AGPS: variants seen among roughly 807,000 people sequenced by gnomAD.
AGPS encodes the protein alkyldihydroxyacetonephosphate synthase, peroxisomal.
A neutral mutation model predicts 90.7 loss-of-function variants in AGPS; 26 were observed. That is an observed-to-expected ratio of 0.29 (90% confidence interval 0.21 to 0.40). AGPS has a LOEUF of 0.40. Among genes scored for constraint, AGPS ranks in the 10% least tolerant of loss-of-function variants. AGPS has a pLI of 1.00. For missense variants in AGPS, 540 were observed against 816.1 expected (o/e 0.66, Z 4.12); for synonymous variants, 294 against 285.3 (o/e 1.03, Z -0.31).
chr2:177,462,080 A>C (rs954970861), intron 9 of AGPS, 62 bp downstream of exon 9: 21 of 1,391,908 alleles, frequency 1.5e-5, no homozygotes, highest in Non-Finnish European at 1.8e-5. Flanking sequence ...TTATAAAATG[A>C]TTAGAAGCCT....
chr2:177,522,804 C>G (rs1034129753), intron 18 of AGPS, among the ~76,000 whole-genome samples: 2 of 152,122 alleles, frequency 1.3e-5, no homozygotes, highest in African/African-American at 2.4e-5. Flanking sequence ...TCTGTCCCAC[C>G]TGGGCCCTCT....
At chr2:177,495,917 C>CAAAAA (rs57571340) in intron 12 of AGPS, among the ~76,000 whole-genome samples, 21 of 93,176 alleles carry the variant, frequency 2.3e-4, no homozygotes, top group African/African-American at 3.3e-4. Flanking sequence ...GACTCTGTCT[C>CAAAAA]AAAAAAAAAA....
Position 177,393,743 on chromosome 2 carries a change from G to T in AGPS, c.260+694G>T, listed in dbSNP as rs1269810471. 2.0e-5 allele frequency among the ~76,000 whole-genome samples: 3 copies of T among 148,846 alleles called. No individual in the cohort carries two copies. In the East Asian group the frequency reaches 5.8e-4, roughly 29 times the overall value. On this transcript the variant is annotated intron_variant, in intron 1 of 19. Transcript: ENST00000264167. ...GATCTTGACTTTCGATGTTTTTGGA[G>T]AAATCTTTTTTTTTTTTTTTGTATT...
chr2:177,428,627 G>T (rs538071112), intron 2 of AGPS, among the ~76,000 whole-genome samples: 7 of 152,252 alleles, frequency 4.6e-5, no homozygotes, highest in African/African-American at 1.7e-4. Flanking sequence ...TTTTCTTTAA[G>T]AATGTTGAAT....
chr2:177,493,285 A>G, intron 12 of AGPS, 86 bp downstream of exon 12: 1 of 1,171,896 alleles, frequency 8.5e-7, no homozygotes, highest in Non-Finnish European at 1.3e-6. Flanking sequence ...GTGCAGAGGT[A>G]GAAAGAACGT....
Position 177,541,989 on chromosome 2 carries a change from A to C in AGPS, c.*3794A>C, listed in dbSNP as rs1451603831. On this transcript the variant is annotated 3_prime_UTR_variant, in exon 20 of 20. Transcript: ENST00000264167. ...AAATTTAACTGTAAAAACTACTTGT[A>C]ATGTCAAGAGATTATAGATCATATT... The C allele has an allele frequency of 2.0e-5, 3 of 152,164 alleles. No individual in the cohort carries two copies. Among genetic ancestry groups the C allele is most frequent in the Non-Finnish European group, 4.4e-5 (3 of 68,024 alleles). 9.4% of individuals were successfully genotyped at this position (152,164 alleles called of 1,614,324 possible). A position where few individuals can be genotyped will look rare whatever the true frequency, so the allele number is the denominator to read the frequency against.
intron 3 of AGPS, 94 bp from the exon 4 acceptor site, chr2:177,436,670 A>G (rs1686420203): frequency 7.7e-7 from 1 of 1,292,752 alleles, no homozygotes. Flanking sequence ...GAATGTTTAA[A>G]AAAAAGTCTA....
At chr2:177,446,144 T>G (rs541947405) in intron 8 of AGPS, among the ~76,000 whole-genome samples, 23 of 97,136 alleles carry the variant, frequency 2.4e-4, no homozygotes, top group Admixed American at 1.8e-3. Flanking sequence ...TCAGGGTGAC[T>G]GTTACTTTTT....
At chr2:177,496,875 T>A (rs1688429228) in intron 12 of AGPS, among the ~76,000 whole-genome samples, 2 of 152,108 alleles carry the variant, frequency 1.3e-5, no homozygotes, top group Non-Finnish European at 2.9e-5. Flanking sequence ...AAGGCTTTTT[T>A]AAAAAAGAAA....
At chr2:177,496,685 C>G (rs1469085220) in intron 12 of AGPS, among the ~76,000 whole-genome samples, 2 of 151,882 alleles carry the variant, frequency 1.3e-5, no homozygotes, top group African/African-American at 4.8e-5. Flanking sequence ...AACACAGTTT[C>G]CTATTATAAT....
intron 11 of AGPS, among the ~76,000 whole-genome samples, chr2:177,488,587 T>C (rs1397812219): frequency 2.6e-5 from 4 of 152,214 alleles, no homozygotes; most frequent in Admixed American, 1.3e-4. Context: ...TATGCAGTTA[T>C]ATGTGGTTCC....
At chr2:177,501,828 T>C (rs913966294) in intron 14 of AGPS, among the ~76,000 whole-genome samples, 1 of 152,062 alleles carries the variant, frequency 6.6e-6, no homozygotes, top group African/African-American at 2.4e-5. Flanking sequence ...CCACCACGCC[T>C]GGCTAACTTT....
At chr2:177,398,424 T>C (rs1342433335) in intron 1 of AGPS, among the ~76,000 whole-genome samples, 1 of 152,230 alleles carries the variant, frequency 6.6e-6, no homozygotes, top group African/African-American at 2.4e-5. Context: ...TGATACTATA[T>C]GTACATTACA....
At position 177,539,034 on chromosome 2, in the gene AGPS, G is replaced by A. The variant is rs1198219902; in HGVS notation, c.*839G>A. Reference sequence around the variant, plus strand: ...GATTTCACATTCTTGTTGCTGAAATGCAGAAGAAACAGCTACAGCAAGAGC... The same window carrying A: ...GATTTCACATTCTTGTTGCTGAAATACAGAAGAAACAGCTACAGCAAGAGC... On this transcript the variant is annotated 3_prime_UTR_variant, in exon 20 of 20. Transcript: ENST00000264167. The A allele has an allele frequency of 1.3e-5, 2 of 151,994 alleles. No individual in the cohort carries two copies. Among genetic ancestry groups the A allele is most frequent in the Non-Finnish European group, 2.9e-5 (2 of 67,928 alleles). The allele number at this position is 151,994 out of a possible 1,614,324, so 9.4% of individuals were successfully genotyped here.
intron 3 of AGPS, among the ~76,000 whole-genome samples, chr2:177,435,166 G>T (rs1462713469): frequency 6.6e-6 from 1 of 151,314 alleles, no homozygotes; most frequent in African/African-American, 2.4e-5. Context: ...CTCTCTAACT[G>T]GATATAAGTT....
At chr2:177,393,113 G>T in intron 1 of AGPS, 64 bp downstream of exon 1, 1 of 1,550,008 alleles carries the variant, frequency 6.5e-7, no homozygotes, top group Admixed American at 2.0e-5. Context: ...GCTGCAGGAG[G>T]GCACAGGCGA....
chr2:177,420,888 G>A (rs553028912), intron 2 of AGPS, among the ~76,000 whole-genome samples: 1 of 151,860 alleles, frequency 6.6e-6, no homozygotes, highest in Non-Finnish European at 1.5e-5. Context: ...TAAAAAATTA[G>A]CTTCTGAGAT....
rs2105748691 is a variant in AGPS, at chr2:177,540,318, T to A, written c.*2123T>A. ...TCATGATTTATGTCTTTGTTTTTCT[T>A]TTTCCAAGTATATGCAGGACTCCCC... On this transcript the variant is annotated 3_prime_UTR_variant, in exon 20 of 20. Transcript: ENST00000264167. The A allele has an allele frequency of 6.6e-6, 1 of 152,144 alleles. No individual in the cohort carries two copies. Among genetic ancestry groups the A allele is most frequent in the Middle Eastern group, 3.4e-3 (1 of 294 alleles). The allele number at this position is 152,144 out of a possible 1,614,324, so 9.4% of individuals were successfully genotyped here.
intron 19 of AGPS, 48 bp downstream of exon 19, chr2:177,523,853 T>C (rs1204896335): frequency 2.7e-6 from 4 of 1,478,362 alleles, no homozygotes; most frequent in Non-Finnish European, 3.8e-6. Flanking sequence ...CTTTAAAAAA[T>C]ATTCAGTTCA....
Sources: gnomAD v4.1 joint callset for allele counts (sites outside exome capture counted in the v4.1 genomes callset) on GRCh38, gnomAD v4.1.1 for gene constraint, MANE v1.5 for transcripts, NCBI Gene and HGNC (gene_info 2026-07-23, HGNC 2026-07-21) for gene names.